GLT1D1: variants seen among roughly 807,000 people sequenced by gnomAD.
GLT1D1 encodes glycosyltransferase 1 domain-containing protein 1.
GLT1D1 carries 21 observed loss-of-function variants against 28.7 expected under a neutral mutation model. The observed-to-expected ratio is 0.73, with a 90% CI of 0.52 to 1.05. GLT1D1 has a LOEUF of 1.05. Among genes scored for constraint, GLT1D1 ranks in the 50% least tolerant of loss-of-function variants. The pLI, the probability that GLT1D1 is intolerant of heterozygous loss-of-function variation, is 0.00. For synonymous variants in GLT1D1, 147 were observed against 124.8 expected (o/e 1.18, Z -1.19); for missense variants, 343 against 330.6 (o/e 1.04, Z -0.29).
At chr12:128,890,543 G>A (rs1267156091) in intron 3 of GLT1D1, among the ~76,000 whole-genome samples, 1 of 152,160 alleles carries the variant, frequency 6.6e-6, no homozygotes, top group East Asian at 1.9e-4. Flanking sequence ...CAGCACTTTG[G>A]GAGGCCTGAG....
intron 4 of GLT1D1, among the ~76,000 whole-genome samples, chr12:128,924,523 C>T (rs1193780955): frequency 6.6e-6 from 1 of 151,752 alleles, no homozygotes; most frequent in Non-Finnish European, 1.5e-5. Flanking sequence ...GTGCAGTGAC[C>T]TTGGCTCACT....
intron 4 of GLT1D1, among the ~76,000 whole-genome samples, chr12:128,923,749 T>C (rs922381785): frequency 3.3e-5 from 5 of 151,978 alleles, no homozygotes. Context: ...CTCGAACTCC[T>C]GACCTCAGGT....
intron 6 of GLT1D1, among the ~76,000 whole-genome samples, chr12:128,949,809 TGCATGCACACACATGTACACACGC>T (rs1876499346): frequency 6.6e-6 from 1 of 151,724 alleles, no homozygotes; most frequent in African/African-American, 2.4e-5. Flanking sequence ...TACAGATGCA[TGCATGCACACACATGTACACACGC>T]ACATGCACAC....
chr12:128,909,493 C>T (rs896148726), intron 4 of GLT1D1, among the ~76,000 whole-genome samples: 1 of 152,032 alleles, frequency 6.6e-6, no homozygotes, highest in Non-Finnish European at 1.5e-5. Flanking sequence ...AGTTTGTAAT[C>T]GTTTTACAAG....
intron 2 of GLT1D1, among the ~76,000 whole-genome samples, chr12:128,881,561 A>AAAAAAATTAT (rs1555262848): frequency 3.0e-5 from 1 of 33,732 alleles, no homozygotes; most frequent in Non-Finnish European, 5.2e-5. Flanking sequence ...AAAAAAAAAA[A>AAAAAAATTAT]ATATATATAT....
At chr12:128,857,032 G>A (rs1956241776) in intron 1 of GLT1D1, among the ~76,000 whole-genome samples, 1 of 152,126 alleles carries the variant, frequency 6.6e-6, no homozygotes, top group South Asian at 2.1e-4. Context: ...AGAGTTAGAA[G>A]CTTCAGGCAA....
chr12:128,876,043 G>A lies in GLT1D1; in HGVS notation c.198G>A (p.Arg66=), dbSNP rs1321976682. 1.2e-6 allele frequency: 2 copies of A among 1,606,684 alleles called. No homozygotes were observed. The highest frequency in any genetic ancestry group is 2.2e-5 in the South Asian group (2 of 89,262). Residue 66 remains arginine (R), a synonymous_variant, in exon 2 of 8, where the codon AGG becomes AGA. Coordinates refer to ENST00000281703, the MANE Select transcript of GLT1D1 (RefSeq NM_144669.3). ...CTGCCCTGGCTCTTCATCTCTATAG[G>A]GGAGGCAGGCTTTTGCAAGGTAATC... is the stretch of plus-strand genomic sequence containing the variant.
At chr12:128,974,106 G>T (rs1047114528) in intron 7 of GLT1D1, among the ~76,000 whole-genome samples, 3 of 152,086 alleles carry the variant, frequency 2.0e-5, no homozygotes, top group African/African-American at 7.2e-5. Context: ...TGATCTGTGC[G>T]TGTGGAGGGG....
intron 4 of GLT1D1, among the ~76,000 whole-genome samples, chr12:128,901,289 AT>A (rs34574373): frequency 3.4e-5 from 5 of 148,772 alleles, no homozygotes; most frequent in Admixed American, 6.7e-5. Flanking sequence ...ACATGTTGTT[AT>A]TTTTTTTTTA....
intron 7 of GLT1D1, among the ~76,000 whole-genome samples, chr12:128,963,590 A>G (rs550181583): frequency 2.0e-5 from 3 of 152,292 alleles, no homozygotes; most frequent in African/African-American, 7.2e-5. Context: ...AGGTTGCAGT[A>G]AGCTGAGATT....
At chr12:128,878,171 G>A (rs1956917809) in intron 2 of GLT1D1, among the ~76,000 whole-genome samples, 1 of 152,120 alleles carries the variant, frequency 6.6e-6, no homozygotes, top group Non-Finnish European at 1.5e-5. Context: ...CATATGAGGA[G>A]GTTCATGTAC....
chr12:128,903,173 C>G (rs1165082476), intron 4 of GLT1D1, among the ~76,000 whole-genome samples: 1 of 151,712 alleles, frequency 6.6e-6, no homozygotes, highest in Non-Finnish European at 1.5e-5. Context: ...AGATGAGTTC[C>G]CTTCCTCTGT....
chr12:128,961,875 C>A (rs1281083969), intron 7 of GLT1D1, among the ~76,000 whole-genome samples: 2 of 152,078 alleles, frequency 1.3e-5, no homozygotes, highest in African/African-American at 2.4e-5. Context: ...AAGACTAAAC[C>A]AACAAAAGGA....
rs1270846293 is a variant in GLT1D1, at chr12:128,853,605, G to T, written c.24G>T (p.Val8=). The change falls in exon 1 of 8, where the codon GTG becomes GTT. Residue 8 remains valine, a synonymous_variant. Transcript: ENST00000281703. The stretch of plus-strand genomic sequence containing the variant: ...GCATGCGGCTCCTGTTCCTGGCGGT[G>T]CTGCGGCCACACACCGGCAACGCGG... 4 of 1,175,824 alleles carry T rather than the reference G, an allele frequency of 3.4e-6. No individual in the cohort carries two copies. Among genetic ancestry groups the T allele is most frequent in the Non-Finnish European group, 4.3e-6 (4 of 940,190 alleles). The allele number at this position is 1,175,824 out of a possible 1,614,324, so 72.8% of individuals were successfully genotyped here.
chr12:128,857,955 G>A (rs564342413), intron 1 of GLT1D1, among the ~76,000 whole-genome samples: 1 of 152,160 alleles, frequency 6.6e-6, no homozygotes, highest in Non-Finnish European at 1.5e-5. Context: ...AAGCCTTCTC[G>A]TGCCTTCCAA....
intron 7 of GLT1D1, among the ~76,000 whole-genome samples, chr12:128,976,207 T>C (rs74582694): frequency 0.094 from 14,246 of 152,236 alleles, 768 homozygotes; most frequent in Admixed American, 0.15. Flanking sequence ...TTTTGGAAAA[T>C]GAGGCAGGCA....
At chr12:128,969,101 CTG>C (rs1167188451) in intron 7 of GLT1D1, among the ~76,000 whole-genome samples, 1 of 151,778 alleles carries the variant, frequency 6.6e-6, no homozygotes, top group East Asian at 1.9e-4. Context: ...TCCTCTCTGT[CTG>C]TGTCTCTCTC....
intron 7 of GLT1D1, among the ~76,000 whole-genome samples, chr12:128,959,448 GAA>G (rs1877695022): frequency 1.9e-5 from 2 of 103,878 alleles, no homozygotes; most frequent in African/African-American, 3.4e-5. Flanking sequence ...GCGGGGTGGG[GAA>G]CGGCGGGTGG....
chr12:128,979,129 C>G (rs1880079021), intron 7 of GLT1D1, among the ~76,000 whole-genome samples: 1 of 152,224 alleles, frequency 6.6e-6, no homozygotes, highest in African/African-American at 2.4e-5. Context: ...TGGAGTTCCT[C>G]TGGTTCAAAC....
Sources: gnomAD v4.1 joint callset for allele counts (sites outside exome capture counted in the v4.1 genomes callset) on GRCh38, gnomAD v4.1.1 for gene constraint, MANE v1.5 for transcripts, NCBI Gene and HGNC (gene_info 2026-07-23, HGNC 2026-07-21) for gene names.